CRPPA: variants seen among roughly 807,000 people sequenced by gnomAD.
The protein encoded by CRPPA is CDP-L-ribitol pyrophosphorylase A.
A neutral mutation model predicts 52.0 loss-of-function variants in CRPPA; 43 were observed. That is an observed-to-expected ratio of 0.83 (90% CI 0.65 to 1.07). CRPPA has a LOEUF of 1.07. Among genes scored for constraint, CRPPA ranks in the 50% least tolerant of loss-of-function variants. The pLI, the probability that CRPPA is intolerant of heterozygous loss-of-function variation, is 0.00. For synonymous variants in CRPPA, 250 were observed against 203.5 expected, an observed-to-expected ratio of 1.23 and a Z score of -1.94; for missense variants, 629 against 551.7, an observed-to-expected ratio of 1.14 and a Z score of -1.40.
chr7:16,211,135 G>C (rs1782123974), intron 9 of CRPPA, among the ~76,000 whole-genome samples: 1 of 152,148 alleles, frequency 6.6e-6, no homozygotes, highest in Non-Finnish European at 1.5e-5. Context: ...GTAGCAGAAG[G>C]TGTGTGTTTA....
In CRPPA at chr7:16,089,304, A is replaced by C. The variant is rs1004307528; in HGVS notation, c.*2391T>G. 2.5e-6 allele frequency: 1 copy of C among 396,896 alleles called. No homozygotes were observed. Among genetic ancestry groups the C allele is most frequent in the East Asian group, 7.8e-5 (1 of 12,768 alleles). 24.6% of individuals were successfully genotyped at this position (396,896 alleles called of 1,614,324 possible). ...TGTGTATGCGTACGTATATACATATATGTGTGTATGCGTACGTATATAAAT... is the reference window on the plus strand; with the variant it reads ...TGTGTATGCGTACGTATATACATATCTGTGTGTATGCGTACGTATATAAAT... On this transcript the variant is annotated 3_prime_UTR_variant, in exon 10 of 10. Coordinates refer to ENST00000407010, the MANE Select transcript of CRPPA (RefSeq NM_001101426.4).
rs568111117 is a variant in CRPPA at position 16,350,634 on chromosome 7, C to T, written c.684+25458G>A. ...TACAAATGATTTTTTAAAAAGTGAT[C>T]CAAAGCATACTACTACAGAAAACCA... is the stretch of plus-strand genomic sequence containing the variant. On this transcript the variant is annotated intron_variant, in intron 3 of 9. Transcript: ENST00000407010. Among the ~76,000 whole-genome samples, 62 of 152,074 alleles carry T rather than the reference C, an allele frequency of 4.1e-4. 1 individual carries two copies. Among genetic ancestry groups the T allele is most frequent in the African/African-American group, 1.5e-3 (62 of 41,506 alleles).
intron 9 of CRPPA, among the ~76,000 whole-genome samples, chr7:16,188,282 G>C (rs1429889346): frequency 3.3e-5 from 5 of 151,908 alleles, no homozygotes; most frequent in African/African-American, 1.2e-4. Flanking sequence ...AAATAACTTT[G>C]TCCTATTTTA....
Position 16,165,225 on chromosome 7 carries a change from A to AG in CRPPA, c.1251+50840dup, listed in dbSNP as rs1781028478. 1.6e-4 allele frequency among the ~76,000 whole-genome samples: 9 copies of AG among 56,234 alleles called. No homozygotes were observed. In the South Asian group the frequency reaches 5.0e-3, roughly 31 times the overall value. The allele number at this position is 56,234 out of a possible 152,430, so 36.9% of individuals were successfully genotyped here. On this transcript the variant is annotated intron_variant, in intron 9 of 9. Transcript: ENST00000407010. The stretch of plus-strand genomic sequence containing the variant: ...TACACATCTCTCCCAACCTCCTCCA[A>AG]GAAAAAAAAAAAACATTTTGGACAT...
At chr7:16,228,768 C>G (rs1298371589) in intron 8 of CRPPA, among the ~76,000 whole-genome samples, 1 of 151,932 alleles carries the variant, frequency 6.6e-6, no homozygotes, top group African/African-American at 2.4e-5. Flanking sequence ...TACTCCTCAG[C>G]TGTTCAACTC....
intron 3 of CRPPA, among the ~76,000 whole-genome samples, chr7:16,315,588 T>A (rs1785127717): frequency 1.3e-5 from 2 of 152,088 alleles, no homozygotes; most frequent in Non-Finnish European, 2.9e-5. Flanking sequence ...AGGGTGGGCC[T>A]CCTCGTTAAG....
intron 6 of CRPPA, among the ~76,000 whole-genome samples, chr7:16,276,080 T>G (rs1194358046): frequency 1.3e-5 from 2 of 151,240 alleles, no homozygotes; most frequent in Non-Finnish European, 3.0e-5. Flanking sequence ...AAGACTAAAT[T>G]AGAAAAAACA....
chr7:16,294,756 A>C (rs1029169480), intron 5 of CRPPA, among the ~76,000 whole-genome samples: 1 of 152,032 alleles, frequency 6.6e-6, no homozygotes, highest in South Asian at 2.1e-4. Flanking sequence ...ATTGTCCAAA[A>C]CACATGACTA....
intron 6 of CRPPA, among the ~76,000 whole-genome samples, chr7:16,263,366 C>T (rs759313728): frequency 4.6e-5 from 7 of 152,320 alleles, no homozygotes; most frequent in South Asian, 2.1e-4. Context: ...ATGACAACTT[C>T]GGCCCATATT....
intron 2 of CRPPA, among the ~76,000 whole-genome samples, chr7:16,393,269 G>T (rs1396140508): frequency 6.6e-6 from 1 of 152,044 alleles, no homozygotes; most frequent in East Asian, 1.9e-4. Flanking sequence ...ATTAATATAA[G>T]AAAATTAAAC....
In CRPPA at chr7:16,305,590, G is replaced by A. The variant is rs148234329; in HGVS notation, c.789+2933C>T. On this transcript the variant is annotated intron_variant, in intron 4 of 9. Transcript: ENST00000407010. ...AAACAACAGAAATTTGGCTGGGCGT[G>A]GTGGTGGTGGGTCACGCCTGTAATC... Among the ~76,000 whole-genome samples the A allele has an allele frequency of 9.3e-4, 142 of 152,228 alleles. 1 individual carries two copies. The highest frequency in any genetic ancestry group is 3.3e-3 in the African/African-American group (138 of 41,530).
rs539648141 is a variant in CRPPA, at chr7:16,397,096, T to C, written c.534+8965A>G. Among the ~76,000 whole-genome samples, 3 of 152,244 alleles carry C rather than the reference T, an allele frequency of 2.0e-5. No homozygotes were observed. In the East Asian group the frequency reaches 5.8e-4, roughly 29 times the overall value. On this transcript the variant is annotated intron_variant, in intron 2 of 9. Coordinates refer to ENST00000407010, the MANE Select transcript of CRPPA (RefSeq NM_001101426.4). The stretch of plus-strand genomic sequence containing the variant: ...AAACACATGACATGGAAGACACACG[T>C]GTGAAATAAGACACGTGGACACACA...
At chr7:16,312,078 C>T (rs1785045435) in intron 3 of CRPPA, among the ~76,000 whole-genome samples, 1 of 151,980 alleles carries the variant, frequency 6.6e-6, no homozygotes, top group Admixed American at 6.6e-5. Context: ...TTATTCTTTG[C>T]TTTCAATATT....
chr7:16,186,883 T>C (rs998029961), intron 9 of CRPPA, among the ~76,000 whole-genome samples: 1 of 152,172 alleles, frequency 6.6e-6, no homozygotes, highest in Non-Finnish European at 1.5e-5. Flanking sequence ...ATGGATTCAA[T>C]GCATTCAACG....
At chr7:16,306,653 T>A (rs1254388244) in intron 4 of CRPPA, among the ~76,000 whole-genome samples, 1 of 151,934 alleles carries the variant, frequency 6.6e-6, no homozygotes, top group Non-Finnish European at 1.5e-5. Context: ...CGCCTTAGAG[T>A]TTCCGCCTTT....
chr7:16,400,954 C>T (rs534201736), intron 2 of CRPPA, among the ~76,000 whole-genome samples: 1 of 152,308 alleles, frequency 6.6e-6, no homozygotes, highest in East Asian at 1.9e-4. Context: ...AATCAGGGTA[C>T]ACCACCCTCC....
intron 9 of CRPPA, among the ~76,000 whole-genome samples, chr7:16,123,015 T>C (rs1425364315): frequency 1.3e-5 from 2 of 152,018 alleles, no homozygotes; most frequent in Non-Finnish European, 2.9e-5. Flanking sequence ...TTTAAAAGAA[T>C]AGTAAAAAGT....
chr7:16,203,600 A>T (rs1330587701), intron 9 of CRPPA, among the ~76,000 whole-genome samples: 1 of 152,130 alleles, frequency 6.6e-6, no homozygotes, highest in Non-Finnish European at 1.5e-5. Context: ...GAACCAAATT[A>T]TTGGGTATAG....
At chr7:16,178,158 G>A (rs1781343070) in intron 9 of CRPPA, among the ~76,000 whole-genome samples, 1 of 152,008 alleles carries the variant, frequency 6.6e-6, no homozygotes. Flanking sequence ...GATTGATAGA[G>A]AGTTCTGGAT....
Sources: allele counts gnomAD v4.1 joint callset (sites outside exome capture counted in the v4.1 genomes callset), GRCh38; gene constraint gnomAD v4.1.1; transcripts MANE v1.5; gene names NCBI Gene and HGNC (gene_info 2026-07-23, HGNC 2026-07-21).